Variants in KCNIP4 observed in about 807,000 individuals in gnomAD.
KCNIP4 encodes potassium voltage-gated channel interacting protein 4.
Under a neutral mutation model 34.0 loss-of-function variants are expected in KCNIP4, and 12 were observed. The ratio of observed to expected loss-of-function variants is 0.35; its 90% CI spans 0.23 to 0.57. The LOEUF is 0.57. KCNIP4 is among the 20% of genes least tolerant of loss of function. The probability of loss-of-function intolerance (pLI) is 0.83; values close to 1 mark genes in which losing one functional copy is unlikely to be tolerated. For synonymous variants in KCNIP4, 124 were observed against 102.2 expected (o/e 1.21, Z -1.29); for missense variants, 238 against 311.7 (o/e 0.76, Z 1.78).
intron 1 of KCNIP4, among the ~76,000 whole-genome samples, chr4:21,257,474 G>A (rs865802026): frequency 9.9e-5 from 15 of 152,148 alleles, no homozygotes; most frequent in South Asian, 2.1e-4. Context: ...GCTGCGGGGC[G>A]TGGTGGCTCA....
chr4:20,955,321 T>A (rs1733185183), intron 1 of KCNIP4, among the ~76,000 whole-genome samples: 1 of 152,220 alleles, frequency 6.6e-6, no homozygotes. Context: ...GCTATTAATA[T>A]GAAGTCTTCC....
chr4:20,984,350 A>G (rs539923215), intron 1 of KCNIP4, among the ~76,000 whole-genome samples: 1 of 152,326 alleles, frequency 6.6e-6, no homozygotes, highest in African/African-American at 2.4e-5. Flanking sequence ...GAGGCTGGGC[A>G]GATCTGTCTG....
chr4:21,025,946 T>C (rs1377005510), intron 1 of KCNIP4, among the ~76,000 whole-genome samples: 1 of 152,170 alleles, frequency 6.6e-6, no homozygotes, highest in Non-Finnish European at 1.5e-5. Flanking sequence ...TTCAGTGATA[T>C]AAACGTAAAC....
chr4:21,138,146 G>A (rs1751657207), intron 1 of KCNIP4, among the ~76,000 whole-genome samples: 1 of 151,984 alleles, frequency 6.6e-6, no homozygotes, highest in South Asian at 2.1e-4. Flanking sequence ...TGCATATGCT[G>A]AGTCATTGCC....
intron 1 of KCNIP4, among the ~76,000 whole-genome samples, chr4:21,052,124 T>C (rs546322469): frequency 2.9e-4 from 44 of 152,320 alleles, no homozygotes; most frequent in African/African-American, 1.0e-3. Flanking sequence ...TATCCTAGTA[T>C]ACCAAATTAT....
intron 1 of KCNIP4, chr4:21,718,514 T>A (rs1348741351): frequency 6.6e-6 from 1 of 152,142 alleles, no homozygotes; most frequent in Admixed American, 6.6e-5. Flanking sequence ...ATTTTGTTAC[T>A]TAGGTAAATA....
At chr4:21,589,731 A>G (rs1194762507) in intron 1 of KCNIP4, among the ~76,000 whole-genome samples, 1 of 151,918 alleles carries the variant, frequency 6.6e-6, no homozygotes, top group Non-Finnish European at 1.5e-5. Context: ...GTGAGTAATA[A>G]CTTATTAAAA....
At chr4:21,020,847 T>A (rs1739969070) in intron 1 of KCNIP4, among the ~76,000 whole-genome samples, 1 of 151,878 alleles carries the variant, frequency 6.6e-6, no homozygotes, top group Admixed American at 6.6e-5. Context: ...CAAGGAGAAG[T>A]TGGGAGGAAG....
At chr4:21,129,300 G>T (rs145950195) in intron 1 of KCNIP4, among the ~76,000 whole-genome samples, 200 of 152,226 alleles carry the variant, frequency 1.3e-3, no homozygotes, top group African/African-American at 4.7e-3. Context: ...CCCAGTCTCC[G>T]GTATGTCTTC....
intron 1 of KCNIP4, among the ~76,000 whole-genome samples, chr4:21,466,899 A>G (rs1162586045): frequency 6.6e-6 from 1 of 152,082 alleles, no homozygotes; most frequent in African/African-American, 2.4e-5. Context: ...CAGAGACAAT[A>G]TATCACTCAG....
chr4:20,987,664 A>G (rs1736695958), intron 1 of KCNIP4, among the ~76,000 whole-genome samples: 1 of 152,168 alleles, frequency 6.6e-6, no homozygotes, highest in African/African-American at 2.4e-5. Flanking sequence ...AGCTACCAAC[A>G]TTTATGGAGA....
chr4:21,075,679 A>G (rs1254700894), intron 1 of KCNIP4, among the ~76,000 whole-genome samples: 1 of 152,178 alleles, frequency 6.6e-6, no homozygotes, highest in African/African-American at 2.4e-5. Flanking sequence ...TGATCCTGTC[A>G]TTATGATGTT....
At chr4:21,457,883 T>A (rs1242807698) in intron 1 of KCNIP4, among the ~76,000 whole-genome samples, 1 of 151,976 alleles carries the variant, frequency 6.6e-6, no homozygotes, top group Middle Eastern at 3.2e-3. Flanking sequence ...ACAAAAATAA[T>A]CTCTAATCAT....
chr4:21,946,042 G>T (rs1453286120), intron 1 of KCNIP4, among the ~76,000 whole-genome samples: 1 of 148,534 alleles, frequency 6.7e-6, no homozygotes, highest in Admixed American at 6.9e-5. Flanking sequence ...TGAGAAGAGA[G>T]TACGGAACGA....
chr4:21,103,721 C>T, intron 1 of KCNIP4, among the ~76,000 whole-genome samples: 1 of 147,606 alleles, frequency 6.8e-6, no homozygotes, highest in Admixed American at 6.8e-5. Context: ...TCTCCTAATG[C>T]TATCCCTCCC....
At chr4:21,933,712 T>A (rs1729700332) in intron 1 of KCNIP4, among the ~76,000 whole-genome samples, 1 of 152,098 alleles carries the variant, frequency 6.6e-6, no homozygotes, top group African/African-American at 2.4e-5. Context: ...ATGAAATGTG[T>A]CCTGACACCC....
chr4:21,702,986 C>T (rs904795564), intron 1 of KCNIP4, among the ~76,000 whole-genome samples: 19 of 76,506 alleles, frequency 2.5e-4, no homozygotes, highest in African/African-American at 1.2e-3. Flanking sequence ...TATCAGGCCC[C>T]CCACAAAAAA....
Position 20,750,245 on chromosome 4 carries a change from A to T in KCNIP4, c.359-513T>A, listed in dbSNP as rs574638334. 1.0e-3 allele frequency among the ~76,000 whole-genome samples: 159 copies of T among 152,330 alleles called. 1 individual carries two copies. The highest frequency in any genetic ancestry group is 3.6e-3 in the African/African-American group (148 of 41,572). On this transcript the variant is annotated intron_variant, in intron 4 of 8. Transcript: ENST00000382152. ...ACCCAAAGTCACACAGTGAAGAAGG[A>T]GTAAATCTGGGACATGAACTTAGGT...
chr4:21,727,696 G>A (rs1715297547), intron 1 of KCNIP4, among the ~76,000 whole-genome samples: 1 of 151,914 alleles, frequency 6.6e-6, no homozygotes, highest in African/African-American at 2.4e-5. Flanking sequence ...GGGTATAGTG[G>A]TGCTCACCTG....
Sources: gnomAD v4.1 joint callset for allele counts (sites outside exome capture counted in the v4.1 genomes callset) on GRCh38, gnomAD v4.1.1 for gene constraint, MANE v1.5 for transcripts, NCBI Gene and HGNC (gene_info 2026-07-23, HGNC 2026-07-21) for gene names.